Variants in GMCL1 observed in about 807,000 individuals in gnomAD.
GMCL1 encodes germ cell-less 1, spermatogenesis associated.
A neutral mutation model predicts 75.5 loss-of-function variants in GMCL1; 54 were observed. The ratio of observed to expected loss-of-function variants is 0.71; its 90% CI spans 0.57 to 0.90. The LOEUF is 0.90. Among genes scored for constraint, GMCL1 ranks in the 40% least tolerant of loss-of-function variants. GMCL1 has a pLI of 0.00. For missense variants in GMCL1, 537 were observed against 622.7 expected, an observed-to-expected ratio of 0.86 and a Z score of 1.47; for synonymous variants, 210 against 209.6, an observed-to-expected ratio of 1.00 and a Z score of -0.02.
chr2:69,861,074 C>T (rs1450701285), intron 9 of GMCL1, among the ~76,000 whole-genome samples: 1 of 152,184 alleles, frequency 6.6e-6, no homozygotes, highest in Non-Finnish European at 1.5e-5. Context: ...AACTCCTGAC[C>T]TCAGGTGATC....
At chr2:69,876,804 C>T (rs963505964) in intron 13 of GMCL1, among the ~76,000 whole-genome samples, 2 of 152,046 alleles carry the variant, frequency 1.3e-5, no homozygotes, top group Admixed American at 6.6e-5. Flanking sequence ...GCCCTGGCAA[C>T]TTAGCAAAAC....
At chr2:69,877,704 GTT>G (rs1491250498) in intron 13 of GMCL1, among the ~76,000 whole-genome samples, 3 of 80,802 alleles carry the variant, frequency 3.7e-5, no homozygotes, top group Non-Finnish European at 2.5e-5. Flanking sequence ...GAGATTGTGT[GTT>G]TGTGTGTGTG....
chr2:69,847,655 T>TA (rs1417719592), intron 7 of GMCL1, 28 bp downstream of exon 7: 2 of 1,331,572 alleles, frequency 1.5e-6, no homozygotes, highest in Non-Finnish European at 1.1e-6. Flanking sequence ...TGTCATATTA[T>TA]ACAAGGATGT....
At chr2:69,874,838 C>T (rs1419089983) in intron 13 of GMCL1, among the ~76,000 whole-genome samples, 1 of 151,728 alleles carries the variant, frequency 6.6e-6, no homozygotes, top group Non-Finnish European at 1.5e-5. Flanking sequence ...ACCTCCTGGG[C>T]CCAACCTTTC....
At chr2:69,873,377 A>T (rs866644781) in intron 13 of GMCL1, among the ~76,000 whole-genome samples, 10 of 152,322 alleles carry the variant, frequency 6.6e-5, no homozygotes, top group Middle Eastern at 3.4e-3. Flanking sequence ...TTGTCGAAAA[A>T]ATAGAAAATA....
intron 10 of GMCL1, among the ~76,000 whole-genome samples, chr2:69,862,794 A>T (rs1209189670): frequency 2.0e-5 from 3 of 152,188 alleles, no homozygotes; most frequent in Non-Finnish European, 4.4e-5. Flanking sequence ...ACAAATAATA[A>T]ATTGAAATCA....
At chr2:69,864,675 T>C (rs1474432282) in intron 10 of GMCL1, among the ~76,000 whole-genome samples, 1 of 147,174 alleles carries the variant, frequency 6.8e-6, no homozygotes, top group Non-Finnish European at 1.5e-5. Context: ...CTAATAAAAG[T>C]AGTCCAGAAG....
At chr2:69,855,217 T>C (rs1273288314) in intron 9 of GMCL1, among the ~76,000 whole-genome samples, 11 of 152,082 alleles carry the variant, frequency 7.2e-5, no homozygotes, top group Admixed American at 3.3e-4. Flanking sequence ...ATGGATGTTC[T>C]TTAATTTAAT....
intron 6 of GMCL1, among the ~76,000 whole-genome samples, chr2:69,845,286 A>G (rs923589410): frequency 5.3e-5 from 8 of 152,338 alleles, no homozygotes; most frequent in Admixed American, 1.3e-4. Flanking sequence ...CAGAGGTCCA[A>G]GATTTCTCCA....
intron 9 of GMCL1, among the ~76,000 whole-genome samples, chr2:69,859,944 T>A (rs1267032484): frequency 6.6e-6 from 1 of 151,984 alleles, no homozygotes; most frequent in African/African-American, 2.4e-5. Flanking sequence ...AACTACCCAT[T>A]CTAGTTGGGA....
intron 13 of GMCL1, among the ~76,000 whole-genome samples, chr2:69,873,414 A>G (rs1424622052): frequency 6.6e-6 from 1 of 152,202 alleles, no homozygotes; most frequent in Non-Finnish European, 1.5e-5. Context: ...ACAATCATAC[A>G]TGTACCACTC....
chr2:69,835,522 G>A (rs1674795599), intron 1 of GMCL1, among the ~76,000 whole-genome samples: 1 of 151,556 alleles, frequency 6.6e-6, no homozygotes, highest in African/African-American at 2.4e-5. Flanking sequence ...ACTGGTGTAT[G>A]GTGTTTTAAT....
At chr2:69,873,419 C>G (rs1191842873) in intron 13 of GMCL1, 1 of 151,888 alleles carries the variant, frequency 6.6e-6, no homozygotes, top group Non-Finnish European at 1.5e-5. Context: ...CATACATGTA[C>G]CACTCAGATA....
intron 4 of GMCL1, among the ~76,000 whole-genome samples, chr2:69,841,773 G>C (rs998548845): frequency 6.6e-6 from 1 of 152,224 alleles, no homozygotes; most frequent in Non-Finnish European, 1.5e-5. Flanking sequence ...TTTTCACACA[G>C]AGTCTTGAAA....
intron 2 of GMCL1, among the ~76,000 whole-genome samples, chr2:69,838,757 G>A (rs572150058): frequency 6.6e-6 from 1 of 152,262 alleles, no homozygotes; most frequent in East Asian, 1.9e-4. Flanking sequence ...TTGAGGGTAA[G>A]AATACCTCTG....
At chr2:69,871,124 A>G (rs1261939975) in intron 12 of GMCL1, among the ~76,000 whole-genome samples, 2 of 152,176 alleles carry the variant, frequency 1.3e-5, no homozygotes, top group East Asian at 1.9e-4. Context: ...AGCAACCCAC[A>G]TGTTCACTGA....
chr2:69,876,846 G>A (rs929757105), intron 13 of GMCL1, among the ~76,000 whole-genome samples: 5 of 152,086 alleles, frequency 3.3e-5, no homozygotes, highest in South Asian at 2.1e-4. Flanking sequence ...AAAATTAGCC[G>A]GGCGTGGTGG....
At chr2:69,846,931 C>T (rs577488387) in intron 6 of GMCL1, among the ~76,000 whole-genome samples, 2 of 151,708 alleles carry the variant, frequency 1.3e-5, no homozygotes, top group South Asian at 2.1e-4. Flanking sequence ...TGGGCTCAAG[C>T]GATCCTTCCC....
At chr2:69,859,521 C>T (rs988449088) in intron 9 of GMCL1, among the ~76,000 whole-genome samples, 13 of 151,676 alleles carry the variant, frequency 8.6e-5, no homozygotes, top group Admixed American at 6.6e-4. Context: ...TGGTGGCTCA[C>T]GCCTGTAATC....
Sources: allele counts gnomAD v4.1 joint callset (sites outside exome capture counted in the v4.1 genomes callset), GRCh38; gene constraint gnomAD v4.1.1; transcripts MANE v1.5; gene names NCBI Gene and HGNC (gene_info 2026-07-23, HGNC 2026-07-21).